NAB1: variants seen among roughly 807,000 people sequenced by gnomAD.
The protein encoded by NAB1 is NGFI-A-binding protein 1.
Under a neutral mutation model 49.9 loss-of-function variants are expected in NAB1, and 25 were observed. The observed-to-expected ratio is 0.50, with a 90% CI of 0.37 to 0.70. The LOEUF (loss-of-function observed/expected upper bound fraction) is 0.70. Ranked by LOEUF, NAB1 falls within the 30% of genes least tolerant of loss-of-function variation. The probability of loss-of-function intolerance (pLI) is 0.00; values close to 1 mark genes in which losing one functional copy is unlikely to be tolerated. For synonymous variants in NAB1, 198 were observed against 215.6 expected (o/e 0.92, Z 0.71); for missense variants, 489 against 575.9 (o/e 0.85, Z 1.54).
intron 4 of NAB1, among the ~76,000 whole-genome samples, chr2:190,664,558 CT>C (rs1199056281): frequency 3.1e-5 from 4 of 129,252 alleles, no homozygotes; most frequent in Non-Finnish European, 6.6e-5. Flanking sequence ...TCCTTCCTTC[CT>C]TTCTTCCTCT....
chr2:190,686,099 G>A lies in NAB1; in HGVS notation c.1258+461G>A, dbSNP rs942746578. Among the ~76,000 whole-genome samples the A allele has an allele frequency of 1.3e-5, 2 of 152,240 alleles. No homozygotes were observed. The highest frequency in any genetic ancestry group is 2.4e-5 in the African/African-American group (1 of 41,466). On this transcript the variant is annotated intron_variant, in intron 8 of 9. Transcript: ENST00000337386. This position sits in a 1 kb window ranked among gnomAD's most constrained non-coding sequence, Gnocchi z 5.5. Reference sequence around the variant, plus strand: ...GTACAGCTCAGGTTTAGAAAGCCATGTGATTCGTGAGTGTTTTTACCATTC... The same window carrying A: ...GTACAGCTCAGGTTTAGAAAGCCATATGATTCGTGAGTGTTTTTACCATTC...
At chr2:190,664,186 C>T (rs1694369776) in intron 4 of NAB1, among the ~76,000 whole-genome samples, 1 of 152,130 alleles carries the variant, frequency 6.6e-6, no homozygotes, top group African/African-American at 2.4e-5. Flanking sequence ...GAGTTGTGTA[C>T]TAAAATTTTA....
Position 190,675,539 on chromosome 2 carries a change from A to G in NAB1, c.1005+2387A>G, listed in dbSNP as rs535917993. 3.9e-5 allele frequency among the ~76,000 whole-genome samples: 6 copies of G among 152,172 alleles called. No homozygotes were observed. Among genetic ancestry groups the G allele is most frequent in the Non-Finnish European group, 8.8e-5 (6 of 68,032 alleles). On this transcript the variant is annotated intron_variant, in intron 6 of 9. Coordinates refer to ENST00000337386, the MANE Select transcript of NAB1 (RefSeq NM_005966.4). This position sits in a 1 kb window ranked among gnomAD's most constrained non-coding sequence, Gnocchi z 5.2. ...ACTTGAGTTATAGTTCTATACGGTT[A>G]GTTTATTGGTTTACTGGAGGTCACA...
At chr2:190,688,822 T>C (rs552041295) in intron 9 of NAB1, among the ~76,000 whole-genome samples, 30 of 151,618 alleles carry the variant, frequency 2.0e-4, no homozygotes, top group African/African-American at 7.0e-4. Flanking sequence ...TTCTTTCCTT[T>C]CTTTCTTTTC....
At chr2:190,690,028 ACTATAT>A (rs1011923266) in intron 9 of NAB1, among the ~76,000 whole-genome samples, 43 of 150,140 alleles carry the variant, frequency 2.9e-4, no homozygotes, top group Admixed American at 1.5e-3. Flanking sequence ...ATATATGTAT[ACTATAT>A]GTATACATCT....
Position 190,651,084 on chromosome 2 carries a change from A to G in NAB1, c.-197+1102A>G, listed in dbSNP as rs1025696695. On this transcript the variant is annotated intron_variant, in intron 2 of 9. Coordinates refer to ENST00000337386, the MANE Select transcript of NAB1 (RefSeq NM_005966.4). The surrounding 1 kb of genome is among the most constrained non-coding windows in gnomAD (Gnocchi z 4.3). ...GTGAAGGTATCAATAATAATGTAAT[A>G]ATGACAACATTGAGGAACTGTAGAT... Among the ~76,000 whole-genome samples the G allele has an allele frequency of 1.1e-4, 16 of 152,224 alleles. No homozygotes were observed. The highest frequency in any genetic ancestry group is 3.9e-4 in the African/African-American group (16 of 41,450).
chr2:190,655,732 T>A (rs567990409), intron 2 of NAB1, among the ~76,000 whole-genome samples: 1 of 152,294 alleles, frequency 6.6e-6, no homozygotes, highest in South Asian at 2.1e-4. Context: ...AATTTTGTTT[T>A]CCATAGCGAA....
chr2:190,649,436 C>G lies in NAB1; in HGVS notation c.-334+76C>G, dbSNP rs1693527235. 6.6e-6 allele frequency: 1 copy of G among 152,166 alleles called. No individual in the cohort carries two copies. The highest frequency in any genetic ancestry group is 1.5e-5 in the Non-Finnish European group (1 of 68,088). 9.4% of individuals were successfully genotyped at this position (152,166 alleles called of 1,614,324 possible). A position where few individuals can be genotyped will look rare whatever the true frequency, so the allele number is the denominator to read the frequency against. On this transcript the variant is annotated intron_variant, in intron 1 of 9. Coordinates refer to ENST00000337386, the MANE Select transcript of NAB1 (RefSeq NM_005966.4). This position sits in a 1 kb window ranked among gnomAD's most constrained non-coding sequence, Gnocchi z 6.1. ...ACTTTCGCGGCTGAGCGGCCACGGGCGAACTTGGGGCGGCTGAGTCGCGGG... is the reference window on the plus strand; with the variant it reads ...ACTTTCGCGGCTGAGCGGCCACGGGGGAACTTGGGGCGGCTGAGTCGCGGG...
chr2:190,685,647 T>C lies in NAB1; in HGVS notation c.1258+9T>C. On this transcript the variant is annotated intron_variant, in intron 8 of 9. Transcript: ENST00000337386. This position sits in a 1 kb window ranked among gnomAD's most constrained non-coding sequence, Gnocchi z 4.5. ...TAACTCAGATGGACAAGGTACATCT[T>C]TAGAATATCCTATGCCTTTAGGGCC... The C allele has an allele frequency of 6.3e-7, 1 of 1,594,090 alleles. No homozygotes were observed. Among genetic ancestry groups the C allele is most frequent in the Non-Finnish European group, 8.5e-7 (1 of 1,170,450 alleles).
rs962626424 is a variant in NAB1, at chr2:190,682,430, A to T, written c.1006-1308A>T. Among the ~76,000 whole-genome samples, 1 of 152,220 alleles carries T rather than the reference A, an allele frequency of 6.6e-6. No individual in the cohort carries two copies. The highest frequency in any genetic ancestry group is 2.4e-5 in the African/African-American group (1 of 41,452). On this transcript the variant is annotated intron_variant, in intron 6 of 9. Transcript: ENST00000337386. This position sits in a 1 kb window ranked among gnomAD's most constrained non-coding sequence, Gnocchi z 4.1. ...GAATTCCAAAGCTCCATTTCCTGTC[A>T]TAGGTTATGATAAAGGTGAAATCGC...
At position 190,690,288 on chromosome 2, in the gene NAB1, C is replaced by T. The variant is rs1186503539; in HGVS notation, c.1419C>T (p.Thr473=). 1 of 1,612,712 alleles carries T rather than the reference C, an allele frequency of 6.2e-7. No individual in the cohort carries two copies. Among genetic ancestry groups the T allele is most frequent in the East Asian group, 2.2e-5 (1 of 44,782 alleles). ...AAGACTACCCTCATTCAGCTTTTAC[C>T]TTAGAAAAGAAAGTCATCAAAACAG... ...ILKDYPHSAF[T]LEKKVIKTEP... Residue 473 remains threonine, a synonymous_variant, in exon 10 of 10, where the codon ACC becomes ACT. Coordinates refer to ENST00000337386, the MANE Select transcript of NAB1 (RefSeq NM_005966.4).
chr2:190,655,018 G>A (rs1693847956), intron 2 of NAB1, among the ~76,000 whole-genome samples: 1 of 152,192 alleles, frequency 6.6e-6, no homozygotes, highest in Admixed American at 6.5e-5. Flanking sequence ...ATGCCCAGGT[G>A]GAATGCCAAA....
intron 8 of NAB1, 79 bp from the exon 9 acceptor site, chr2:190,687,120 AGT>A (rs1366191656): frequency 1.4e-6 from 1 of 724,846 alleles, no homozygotes; most frequent in African/African-American, 1.9e-5. Context: ...TTTCCTAAGG[AGT>A]GTTCAGGCAA....
At chr2:190,662,387 C>CT (rs201737455) in intron 4 of NAB1, among the ~76,000 whole-genome samples, 32,926 of 146,452 alleles carry the variant, frequency 0.22, 3,671 homozygotes, top group Non-Finnish European at 0.25. Context: ...TTAAGCCCCT[C>CT]TTTTTTTTTT....
At position 190,680,487 on chromosome 2, in the gene NAB1, T is replaced by G. The variant is rs1281802389; in HGVS notation, c.1006-3251T>G. Among the ~76,000 whole-genome samples the G allele has an allele frequency of 2.6e-5, 4 of 152,224 alleles. No homozygotes were observed. The highest frequency in any genetic ancestry group is 4.4e-5 in the Non-Finnish European group (3 of 68,032). ...TCTGCCACAGCGCCCTCTGCTGTGC[T>G]CTGGGTCTCCGTCCATTTCCCTCCC... On this transcript the variant is annotated intron_variant, in intron 6 of 9. Transcript: ENST00000337386. This position sits in a 1 kb window ranked among gnomAD's most constrained non-coding sequence, Gnocchi z 5.2.
chr2:190,662,230 G>A (rs190536228), intron 4 of NAB1, among the ~76,000 whole-genome samples: 12 of 152,162 alleles, frequency 7.9e-5, no homozygotes, highest in Non-Finnish European at 1.2e-4. Flanking sequence ...AATTCAGGAA[G>A]CTATCTATAC....
rs1439425732 is a variant in NAB1, at chr2:190,691,036, A to G, written c.*703A>G. On this transcript the variant is annotated 3_prime_UTR_variant, in exon 10 of 10. Transcript: ENST00000337386. The surrounding 1 kb of genome is among the most constrained non-coding windows in gnomAD (Gnocchi z 4.1). Reference sequence around the variant, plus strand: ...AGATGAGCAATAGAGTAGAAAATATATCTTAAACTAGTTGACCTAGATTGT... The same window carrying G: ...AGATGAGCAATAGAGTAGAAAATATGTCTTAAACTAGTTGACCTAGATTGT... 1 of 152,610 alleles carries G rather than the reference A, an allele frequency of 6.6e-6. No homozygotes were observed. Among genetic ancestry groups the G allele is most frequent in the Non-Finnish European group, 1.5e-5 (1 of 67,980 alleles). 9.5% of individuals were successfully genotyped at this position (152,610 alleles called of 1,614,324 possible).
In NAB1 at chr2:190,666,633, C is replaced by T. The variant is rs115091027; in HGVS notation, c.820-3693C>T. 0.014 allele frequency among the ~76,000 whole-genome samples: 2,136 copies of T among 152,072 alleles called. 48 individuals carry two copies. The highest frequency in any genetic ancestry group is 0.048 in the African/African-American group (1,978 of 41,460). ...CTGAGACAGGAGAATCGCTTGAACCCGGGGCGCTGAGGTTGCGCCACTGCA... is the reference window on the plus strand; with the variant it reads ...CTGAGACAGGAGAATCGCTTGAACCTGGGGCGCTGAGGTTGCGCCACTGCA... On this transcript the variant is annotated intron_variant, in intron 4 of 9. Transcript: ENST00000337386. The surrounding 1 kb of genome is among the most constrained non-coding windows in gnomAD (Gnocchi z 5.6).
rs1035706496 is a variant in NAB1, at chr2:190,684,584, A to G, written c.1095+757A>G. ...ATGCACTCAGAAAAATAGTGTGTTT[A>G]TCATGTTTATTCTGTGAATTAATAT... is the stretch of plus-strand genomic sequence containing the variant. On this transcript the variant is annotated intron_variant, in intron 7 of 9. Transcript: ENST00000337386. This position sits in a 1 kb window ranked among gnomAD's most constrained non-coding sequence, Gnocchi z 4.6. 6.6e-6 allele frequency among the ~76,000 whole-genome samples: 1 copy of G among 152,186 alleles called. No individual in the cohort carries two copies. Among genetic ancestry groups the G allele is most frequent in the Admixed American group, 6.5e-5 (1 of 15,280 alleles).
Sources: allele counts gnomAD v4.1 joint callset (sites outside exome capture counted in the v4.1 genomes callset), GRCh38; gene constraint gnomAD v4.1.1; non-coding constraint Gnocchi (gnomAD v3.1); transcripts MANE v1.5; gene names NCBI Gene and HGNC (gene_info 2026-07-23, HGNC 2026-07-21).